The following EXTL3 variants were observed in gnomAD, a reference collection of about 807,000 sequenced individuals.
The protein encoded by EXTL3 is exostosin-like 3.
EXTL3 carries 27 observed loss-of-function variants against 69.3 expected under a neutral mutation model. The observed-to-expected ratio is 0.39, with a 90% CI of 0.29 to 0.54. The LOEUF is 0.54. Ranked by LOEUF, EXTL3 falls within the 20% of genes least tolerant of loss-of-function variation. The pLI, the probability that EXTL3 is intolerant of heterozygous loss-of-function variation, is 0.69. For synonymous variants in EXTL3, 511 were observed against 499.4 expected (o/e 1.02, Z -0.31); for missense variants, 1,003 against 1,231.8 (o/e 0.81, Z 2.78).
intron 4 of EXTL3, among the ~76,000 whole-genome samples, chr8:28,736,136 A>AT (rs955297292): frequency 1.2e-4 from 19 of 152,330 alleles, no homozygotes; most frequent in African/African-American, 4.3e-4. Flanking sequence ...TTTAAAAATG[A>AT]TTAAGATGGT....
chr8:28,735,721 T>G (rs1433676152), intron 4 of EXTL3, among the ~76,000 whole-genome samples: 2 of 152,238 alleles, frequency 1.3e-5, no homozygotes, highest in African/African-American at 4.8e-5. Flanking sequence ...AGTCTAAGAA[T>G]TCTTTCTTCT....
In EXTL3 at chr8:28,701,617, A is replaced by AGGC. The variant is rs537721750; in HGVS notation, c.-591_-589dup. The AGGC allele has an allele frequency of 2.5e-3, 405 of 161,694 alleles. 3 individuals are homozygous for AGGC. Among genetic ancestry groups the AGGC allele is most frequent in the East Asian group, 4.5e-3 (25 of 5,580 alleles). 10.0% of individuals were successfully genotyped at this position (161,694 alleles called of 1,614,324 possible). ...GCTTCTGGGACGCCGACTTTCGCGC[A>AGGC]GGCGGCGGCGGCGGCGGCGGCGGGT... On this transcript the variant is annotated 5_prime_UTR_variant, in exon 1 of 7. Coordinates refer to ENST00000220562, the MANE Select transcript of EXTL3 (RefSeq NM_001440.4).
At chr8:28,630,186 G>A (rs547621381) in intron 1 of EXTL3, among the ~76,000 whole-genome samples, 9 of 152,224 alleles carry the variant, frequency 5.9e-5, no homozygotes, top group South Asian at 2.1e-4. Context: ...TGCTGCTCTC[G>A]TGATAGTGAA....
chr8:28,653,994 T>C (rs1806967601), intron 1 of EXTL3, among the ~76,000 whole-genome samples: 1 of 152,260 alleles, frequency 6.6e-6, no homozygotes, highest in African/African-American at 2.4e-5. Context: ...ATCCTAACAA[T>C]ATTAAGTCTT....
At position 28,715,953 on chromosome 8, in the gene EXTL3, A is replaced by C. The variant is rs575656919; in HGVS notation, c.-107A>C. The C allele has an allele frequency of 2.9e-5, 26 of 898,090 alleles. No homozygotes were observed. The Admixed American group carries it at 3.3e-4, about 11-fold the overall frequency. The allele number at this position is 898,090 out of a possible 1,614,324, so 55.6% of individuals were successfully genotyped here. On this transcript the variant is annotated 5_prime_UTR_variant, in exon 3 of 7. Coordinates refer to ENST00000220562, the MANE Select transcript of EXTL3 (RefSeq NM_001440.4). The stretch of plus-strand genomic sequence containing the variant: ...GGTGCCTTGTCTGGGGAGCACACTA[A>C]CTCTTCTGGAAACGTGTCAGTGAAA...
downstream of EXTL3, among the ~76,000 whole-genome samples, chr8:28,755,817 C>T (rs1332484444): frequency 6.6e-6 from 1 of 151,906 alleles, no homozygotes; most frequent in African/African-American, 2.4e-5. Context: ...AAACTACTTA[C>T]ATTCTATTGA....
At chr8:28,721,614 G>A (rs952472085) in intron 3 of EXTL3, among the ~76,000 whole-genome samples, 4 of 152,050 alleles carry the variant, frequency 2.6e-5, no homozygotes, top group African/African-American at 9.7e-5. Context: ...TCTTTTTTTG[G>A]TATTTTTGTG....
intron 1 of EXTL3, among the ~76,000 whole-genome samples, chr8:28,658,899 A>G (rs760197774): frequency 1.3e-5 from 2 of 152,174 alleles, no homozygotes; most frequent in Non-Finnish European, 2.9e-5. Flanking sequence ...GCACTTTTAT[A>G]CCTTCGAAAT....
chr8:28,672,283 T>C (rs1039322874), intron 1 of EXTL3, among the ~76,000 whole-genome samples: 1 of 151,770 alleles, frequency 6.6e-6, no homozygotes, highest in Non-Finnish European at 1.5e-5. Context: ...CCGGGCATGG[T>C]GGTGGGCACC....
At chr8:28,693,013 T>C (rs1469444337) in intron 1 of EXTL3, among the ~76,000 whole-genome samples, 1 of 152,220 alleles carries the variant, frequency 6.6e-6, no homozygotes, top group Non-Finnish European at 1.5e-5. Context: ...GTTAGATGCC[T>C]TTATGCTTGC....
chr8:28,628,397 G>A (rs1379889514), intron 1 of EXTL3, among the ~76,000 whole-genome samples: 2 of 151,734 alleles, frequency 1.3e-5, no homozygotes, highest in African/African-American at 2.4e-5. Context: ...TAGCTGGGCA[G>A]GGTGGCTCAC....
intron 5 of EXTL3, chr8:28,742,732 T>C: frequency 6.9e-6 from 1 of 144,738 alleles, no homozygotes; most frequent in South Asian, 1.4e-4. Context: ...CTCACTTATC[T>C]TTTTTTTTTT....
At chr8:28,659,173 G>A (rs1223596173) in intron 1 of EXTL3, among the ~76,000 whole-genome samples, 1 of 152,066 alleles carries the variant, frequency 6.6e-6, no homozygotes, top group Non-Finnish European at 1.5e-5. Flanking sequence ...GGGAAAGTAT[G>A]CAATGCAGTC....
chr8:28,730,420 C>G (rs1801512591), intron 3 of EXTL3, among the ~76,000 whole-genome samples: 2 of 152,182 alleles, frequency 1.3e-5, no homozygotes, highest in Non-Finnish European at 2.9e-5. Context: ...CTGTGGTCAT[C>G]ATTTATATGA....
chr8:28,619,266 T>TAAAAAAAAAAAAAAAA (rs755355444), upstream of EXTL3, among the ~76,000 whole-genome samples: 4 of 64,654 alleles, frequency 6.2e-5, no homozygotes, highest in Non-Finnish European at 1.1e-4. Context: ...AGCTTAGTGA[T>TAAAAAAAAAAAAAAAA]AAAAAAAAAA....
intron 2 of EXTL3, among the ~76,000 whole-genome samples, chr8:28,714,088 T>C (rs1008463511): frequency 1.3e-5 from 2 of 152,020 alleles, no homozygotes; most frequent in Non-Finnish European, 2.9e-5. Flanking sequence ...GTATTTTTAG[T>C]AGAGATGGGG....
intron 1 of EXTL3, among the ~76,000 whole-genome samples, chr8:28,674,352 T>A (rs1182814263): frequency 6.6e-6 from 1 of 151,972 alleles, no homozygotes; most frequent in Non-Finnish European, 1.5e-5. Context: ...GGATTACAGG[T>A]GTGAGCCACC....
intron 1 of EXTL3, among the ~76,000 whole-genome samples, chr8:28,695,024 C>A (rs189641712): frequency 6.6e-6 from 1 of 151,936 alleles, no homozygotes; most frequent in Non-Finnish European, 1.5e-5. Context: ...TCCAAATAAA[C>A]AAACAAACAA....
intron 4 of EXTL3, among the ~76,000 whole-genome samples, chr8:28,733,646 G>C (rs971680310): frequency 6.7e-6 from 1 of 148,870 alleles, no homozygotes; most frequent in Non-Finnish European, 1.5e-5. Context: ...AGCCTCCCAA[G>C]TGCTGGGATT....
Sources: gnomAD v4.1 joint callset for allele counts (sites outside exome capture counted in the v4.1 genomes callset) on GRCh38, gnomAD v4.1.1 for gene constraint, MANE v1.5 for transcripts, NCBI Gene and HGNC (gene_info 2026-07-23, HGNC 2026-07-21) for gene names.